PAX2: variants seen among roughly 807,000 people sequenced by gnomAD.
PAX2 encodes paired box protein Pax-2.
In PAX2, 9 loss-of-function variants were observed where a neutral mutation model predicts 41.7. The ratio of observed to expected loss-of-function variants is 0.22; its 90% confidence interval spans 0.13 to 0.38. PAX2 has a LOEUF of 0.38. PAX2 is among the 10% of genes least tolerant of loss of function. PAX2 has a pLI of 1.00. For missense variants in PAX2, 418 were observed against 531.6 expected (o/e 0.79, Z 2.10); for synonymous variants, 221 against 212.7 (o/e 1.04, Z -0.34).
intron 6 of PAX2, 66 bp downstream of exon 6, chr10:100,806,671 T>G: frequency 2.1e-6 from 3 of 1,411,164 alleles, no homozygotes; most frequent in Non-Finnish European, 3.0e-6. Context: ...TCTCAAAAAC[T>G]TGTTCACTAA....
intron 7 of PAX2, among the ~76,000 whole-genome samples, chr10:100,821,966 A>G (rs1278920450): frequency 6.6e-6 from 1 of 152,140 alleles, no homozygotes; most frequent in African/African-American, 2.4e-5. Flanking sequence ...AATAAATGCC[A>G]TATTATTAAT....
chr10:100,792,941 C>T (rs145404621), intron 5 of PAX2, among the ~76,000 whole-genome samples: 6 of 152,314 alleles, frequency 3.9e-5, no homozygotes, highest in East Asian at 1.9e-4. Context: ...CCTTTACTGT[C>T]GCTCTGATGC....
Position 100,750,589 on chromosome 10 carries a change from C to A in PAX2, c.213-105C>A. 1 of 1,030,108 alleles carries A rather than the reference C, an allele frequency of 9.7e-7. No homozygotes were observed. The highest frequency in any genetic ancestry group is 1.5e-6 in the Non-Finnish European group (1 of 681,900). The allele number at this position is 1,030,108 out of a possible 1,614,324, so 63.8% of individuals were successfully genotyped here. ...CACTGGGCCTTTTCCCTCCACTCCG[C>A]TGCCTCGGCCGGGCAGGAGAGTGGC... On this transcript the variant is annotated intron_variant, in intron 2 of 9. Transcript: ENST00000355243. This position sits in a 1 kb window ranked among gnomAD's most constrained non-coding sequence, Gnocchi z 4.1.
chr10:100,783,329 A>G (rs1003962282), intron 5 of PAX2, among the ~76,000 whole-genome samples: 1 of 152,246 alleles, frequency 6.6e-6, no homozygotes, highest in Admixed American at 6.5e-5. Context: ...GTGAGCTCAA[A>G]GAGCAGATAG....
At chr10:100,809,794 C>A (rs1847930335) in intron 7 of PAX2, among the ~76,000 whole-genome samples, 1 of 152,146 alleles carries the variant, frequency 6.6e-6, no homozygotes. Context: ...TCAGTGACAC[C>A]AAGGCTTGAT....
rs1221081316 is a variant in PAX2, at chr10:100,748,852, C to T, written c.44-894C>T. On this transcript the variant is annotated intron_variant, in intron 1 of 9. Transcript: ENST00000355243. This position sits in a 1 kb window ranked among gnomAD's most constrained non-coding sequence, Gnocchi z 5.0. ...GGGTTTGGGTCGGCTACACAGGGCG[C>T]CCCGAGAGTTATTAACTCGCCAGCG... The T allele has an allele frequency of 1.6e-5, 16 of 985,444 alleles. No individual in the cohort carries two copies. The highest frequency in any genetic ancestry group is 1.8e-5 in the Non-Finnish European group (15 of 829,940). The allele number at this position is 985,444 out of a possible 1,614,324, so 61.0% of individuals were successfully genotyped here.
At chr10:100,784,861 G>A (rs1321781140) in intron 5 of PAX2, among the ~76,000 whole-genome samples, 3 of 152,184 alleles carry the variant, frequency 2.0e-5, no homozygotes, top group Non-Finnish European at 4.4e-5. Flanking sequence ...CTTGGCCTTT[G>A]AGAGTATGGA....
intron 3 of PAX2, among the ~76,000 whole-genome samples, chr10:100,762,975 C>T (rs1022624150): frequency 9.2e-5 from 14 of 152,122 alleles, no homozygotes; most frequent in African/African-American, 1.4e-4. Context: ...GGTAGGCAGT[C>T]GAGGATACAG....
At chr10:100,764,713 G>A (rs11190688) in intron 3 of PAX2, among the ~76,000 whole-genome samples, 23,920 of 152,120 alleles carry the variant, frequency 0.16, 2,419 homozygotes, top group Middle Eastern at 0.32. Flanking sequence ...TTGTATAACT[G>A]CACATTCCTT....
At chr10:100,766,162 A>G (rs1354824911) in intron 3 of PAX2, among the ~76,000 whole-genome samples, 1 of 152,212 alleles carries the variant, frequency 6.6e-6, no homozygotes, top group African/African-American at 2.4e-5. Flanking sequence ...TAAAACCCAC[A>G]TGCTTATCCC....
At chr10:100,772,245 G>A (rs534331829) in intron 3 of PAX2, among the ~76,000 whole-genome samples, 3 of 152,102 alleles carry the variant, frequency 2.0e-5, no homozygotes, top group South Asian at 2.1e-4. Flanking sequence ...CACTGCAATC[G>A]TGGGTTTGAG....
intron 7 of PAX2, among the ~76,000 whole-genome samples, chr10:100,816,067 G>A (rs566743153): frequency 2.0e-5 from 3 of 152,262 alleles, no homozygotes; most frequent in South Asian, 2.1e-4. Context: ...CCCTCTGTCC[G>A]TGAGGCCCAA....
At chr10:100,792,737 C>T (rs2133922325) in intron 5 of PAX2, among the ~76,000 whole-genome samples, 1 of 151,974 alleles carries the variant, frequency 6.6e-6, no homozygotes, top group South Asian at 2.1e-4. Flanking sequence ...CCCTCCCTCC[C>T]CTCTTCCCTC....
chr10:100,747,756 C>T (rs1290178585), intron 1 of PAX2: 7 of 985,000 alleles, frequency 7.1e-6, no homozygotes, highest in South Asian at 4.7e-5. Flanking sequence ...GGCATCAGGC[C>T]TCCGCGGGTC....
chr10:100,805,329 C>A (rs996796393), intron 5 of PAX2, among the ~76,000 whole-genome samples: 13 of 152,174 alleles, frequency 8.5e-5, no homozygotes, highest in African/African-American at 3.1e-4. Context: ...CAGAGGAACA[C>A]CCTGGGGCCT....
In PAX2 at chr10:100,745,911, T is replaced by C. The variant is rs1389491581; in HGVS notation, c.-350T>C. 19 of 1,169,580 alleles carry C rather than the reference T, an allele frequency of 1.6e-5. No individual in the cohort carries two copies. The highest frequency in any genetic ancestry group is 2.0e-5 in the Non-Finnish European group (19 of 948,528). 72.5% of individuals were successfully genotyped at this position (1,169,580 alleles called of 1,614,324 possible). A position where few individuals can be genotyped will look rare whatever the true frequency, so the allele number is the denominator to read the frequency against. On this transcript the variant is annotated 5_prime_UTR_variant, in exon 1 of 10. Coordinates refer to ENST00000355243, the MANE Select transcript of PAX2 (RefSeq NM_000278.5). ...CCAGGTTCCAGGGGAGCTGAGCGAGTCGCCTCCCCCGCCCAGCTTCAGCCC... is the reference window on the plus strand; with the variant it reads ...CCAGGTTCCAGGGGAGCTGAGCGAGCCGCCTCCCCCGCCCAGCTTCAGCCC...
chr10:100,806,390 GGCCTGGCGCTAAC>G (rs1474149819), intron 5 of PAX2, 27 bp from the exon 6 acceptor site: 6 of 1,608,292 alleles, frequency 3.7e-6, no homozygotes, highest in Non-Finnish European at 5.1e-6. Context: ...TGCCTCTGCT[GGCCTGGCGCTAAC>G]GCCCCGAGTG....
rs1024627276 is a variant in PAX2 at position 100,809,357 on chromosome 10, G to A, written c.919+121G>A. ...CCGTGATATTTACAGAGAGAACGAGGCTTCTAAAACCAGGGTGCTTCCTGA... is the reference window on the plus strand; with the variant it reads ...CCGTGATATTTACAGAGAGAACGAGACTTCTAAAACCAGGGTGCTTCCTGA... On this transcript the variant is annotated intron_variant, in intron 7 of 9. Transcript: ENST00000355243. 2.0e-5 allele frequency: 21 copies of A among 1,045,546 alleles called. No homozygotes were observed. In the East Asian group the frequency reaches 4.0e-4, roughly 20 times the overall value. The allele number at this position is 1,045,546 out of a possible 1,614,324, so 64.8% of individuals were successfully genotyped here.
chr10:100,747,674 G>T, intron 1 of PAX2: 2 of 984,370 alleles, frequency 2.0e-6, no homozygotes, highest in Non-Finnish European at 2.4e-6. Flanking sequence ...GTTGGGGGGG[G>T]CGTTTAAAAA....
Sources: gnomAD v4.1 joint callset for allele counts (sites outside exome capture counted in the v4.1 genomes callset) on GRCh38, gnomAD v4.1.1 for gene constraint, Gnocchi (gnomAD v3.1) non-coding constraint, MANE v1.5 for transcripts, NCBI Gene and HGNC (gene_info 2026-07-23, HGNC 2026-07-21) for gene names.